B3GALT1: variants seen among roughly 807,000 people sequenced by gnomAD.
The protein encoded by B3GALT1 is UDP-Gal:betaGlcNAc beta 1,3-galactosyltransferase, polypeptide 1.
In B3GALT1, 10 loss-of-function variants were observed where a neutral mutation model predicts 23.2. That is an observed-to-expected ratio of 0.43 (90% CI 0.27 to 0.73). The LOEUF is 0.73. Ranked by LOEUF, B3GALT1 falls within the 30% of genes least tolerant of loss-of-function variation. B3GALT1 has a pLI of 0.21. For synonymous variants in B3GALT1, 156 were observed against 141.5 expected, an observed-to-expected ratio of 1.10 and a Z score of -0.73; for missense variants, 299 against 405.4, an observed-to-expected ratio of 0.74 and a Z score of 2.25.
At chr2:167,607,030 T>C (rs926470121) in intron 2 of B3GALT1, among the ~76,000 whole-genome samples, 15 of 152,136 alleles carry the variant, frequency 9.9e-5, no homozygotes, top group Non-Finnish European at 1.9e-4. Flanking sequence ...TTTTATGAAA[T>C]GCTTGGTATG....
intron 1 of B3GALT1, among the ~76,000 whole-genome samples, chr2:167,458,577 T>C (rs1018447712): frequency 6.6e-6 from 1 of 152,228 alleles, no homozygotes; most frequent in African/African-American, 2.4e-5. Context: ...TCCTACAGTG[T>C]ACAAGGGTTC....
At chr2:167,451,240 G>A (rs987131102) in intron 1 of B3GALT1, among the ~76,000 whole-genome samples, 2 of 152,086 alleles carry the variant, frequency 1.3e-5, no homozygotes, top group Admixed American at 1.3e-4. Flanking sequence ...TGGTGAGCTA[G>A]TGTGATTTTG....
rs1402349702 is a variant in B3GALT1 at position 167,873,256 on chromosome 2, C to A, written c.*3236C>A. ...TTTTTTAATTTACTTTTTGGAAAAA[C>A]GTTTCTCTTTGGTGGCTAGTTTCGG... On this transcript the variant is annotated 3_prime_UTR_variant, in exon 5 of 5. Transcript: ENST00000392690. 6.6e-6 allele frequency: 1 copy of A among 151,732 alleles called. No homozygotes were observed. The highest frequency in any genetic ancestry group is 1.5e-5 in the Non-Finnish European group (1 of 67,942). 9.4% of individuals were successfully genotyped at this position (151,732 alleles called of 1,614,324 possible).
At chr2:167,865,797 CAATAAATAAATAAAAAATAA>C (rs1031172482) in intron 4 of B3GALT1, among the ~76,000 whole-genome samples, 47 of 151,768 alleles carry the variant, frequency 3.1e-4, no homozygotes, top group African/African-American at 1.1e-3. Flanking sequence ...GTCTCAAAAA[CAATAAATAAATAAAAAATAA>C]AATAAATAAA....
chr2:167,776,802 G>A (rs1241488445), intron 3 of B3GALT1, among the ~76,000 whole-genome samples: 1 of 152,150 alleles, frequency 6.6e-6, no homozygotes, highest in Non-Finnish European at 1.5e-5. Context: ...TTGAGAATAA[G>A]ATTTAGAAAA....
intron 3 of B3GALT1, among the ~76,000 whole-genome samples, chr2:167,734,145 G>T (rs970838700): frequency 6.6e-6 from 1 of 152,128 alleles, no homozygotes; most frequent in African/African-American, 2.4e-5. Flanking sequence ...ATATTTACAG[G>T]TCTATAAAAA....
intron 2 of B3GALT1, among the ~76,000 whole-genome samples, chr2:167,566,082 C>A (rs1294752470): frequency 6.6e-6 from 1 of 151,950 alleles, no homozygotes; most frequent in Admixed American, 6.5e-5. Context: ...TTCACAATAG[C>A]AAAGACTTGG....
chr2:167,709,247 A>C (rs78770186), intron 3 of B3GALT1, among the ~76,000 whole-genome samples: 2,156 of 152,270 alleles, frequency 0.014, 54 homozygotes, highest in African/African-American at 0.049. Context: ...AAGGATAACA[A>C]ACCCAGATGG....
intron 3 of B3GALT1, among the ~76,000 whole-genome samples, chr2:167,777,611 G>A (rs1688182335): frequency 6.6e-6 from 1 of 152,156 alleles, no homozygotes; most frequent in Non-Finnish European, 1.5e-5. Context: ...GCCTCCCAAA[G>A]TGCTAGGATT....
At chr2:167,304,636 GAGAC>G (rs1192798872) in intron 1 of B3GALT1, among the ~76,000 whole-genome samples, 1 of 151,466 alleles carries the variant, frequency 6.6e-6, no homozygotes, top group African/African-American at 2.4e-5. Flanking sequence ...GAGAAAAAGA[GAGAC>G]AGAGAGAGGA....
intron 4 of B3GALT1, among the ~76,000 whole-genome samples, chr2:167,835,692 G>C (rs1295747976): frequency 6.6e-6 from 1 of 152,238 alleles, no homozygotes; most frequent in African/African-American, 2.4e-5. Flanking sequence ...GGTTCTCCCA[G>C]CATGCAGCTG....
chr2:167,848,330 T>TTTG (rs1689804614), intron 4 of B3GALT1, among the ~76,000 whole-genome samples: 1 of 152,066 alleles, frequency 6.6e-6, no homozygotes, highest in African/African-American at 2.4e-5. Context: ...GAACATAGAT[T>TTTG]CTAAAATCCT....
intron 1 of B3GALT1, among the ~76,000 whole-genome samples, chr2:167,409,822 C>A (rs943009852): frequency 6.6e-6 from 1 of 151,800 alleles, no homozygotes; most frequent in African/African-American, 2.4e-5. Flanking sequence ...CTTCTACACT[C>A]TTGGTGGGAG....
intron 1 of B3GALT1, among the ~76,000 whole-genome samples, chr2:167,485,382 A>G (rs1467186386): frequency 6.6e-6 from 1 of 152,148 alleles, no homozygotes; most frequent in Non-Finnish European, 1.5e-5. Flanking sequence ...ACTAACAATC[A>G]GGATAGTATC....
At chr2:167,839,813 A>T (rs1277166606) in intron 4 of B3GALT1, among the ~76,000 whole-genome samples, 19 of 152,166 alleles carry the variant, frequency 1.2e-4, no homozygotes, top group Non-Finnish European at 2.6e-4. Context: ...ACAGCATGGT[A>T]CTGGTACCAA....
intron 4 of B3GALT1, among the ~76,000 whole-genome samples, chr2:167,820,432 G>A (rs1475324504): frequency 1.3e-5 from 2 of 152,152 alleles, no homozygotes; most frequent in African/African-American, 4.8e-5. Context: ...CCAGTGAGTT[G>A]TGAGTAGAAA....
intron 2 of B3GALT1, among the ~76,000 whole-genome samples, chr2:167,645,117 T>G (rs1308235857): frequency 6.6e-6 from 1 of 152,114 alleles, no homozygotes; most frequent in Non-Finnish European, 1.5e-5. Context: ...AAAGCAAAAC[T>G]CATAGTGAGG....
Position 167,399,158 on chromosome 2 carries a change from T to G in B3GALT1, c.-510-91019T>G, listed in dbSNP as rs370128256. 3.3e-5 allele frequency among the ~76,000 whole-genome samples: 5 copies of G among 152,300 alleles called. No homozygotes were observed. In the East Asian group the frequency reaches 9.7e-4, roughly 29 times the overall value. On this transcript the variant is annotated intron_variant, in intron 1 of 4. Transcript: ENST00000392690. ...TGGCTTCATTAGGTGCGTGATAGAA[T>G]GCAGTTTGCTGCAGCCTTCTGAAAT...
At chr2:167,793,979 C>T (rs1219061811) in intron 3 of B3GALT1, among the ~76,000 whole-genome samples, 2 of 152,284 alleles carry the variant, frequency 1.3e-5, no homozygotes, top group African/African-American at 4.8e-5. Flanking sequence ...CACAACCAGC[C>T]TATGTTTCAA....
Sources: allele counts gnomAD v4.1 joint callset (sites outside exome capture counted in the v4.1 genomes callset), GRCh38; gene constraint gnomAD v4.1.1; transcripts MANE v1.5; gene names NCBI Gene and HGNC (gene_info 2026-07-23, HGNC 2026-07-21).